AXIN1: variants seen among roughly 807,000 people sequenced by gnomAD.
AXIN1 encodes axin-1.
Under a neutral mutation model 76.4 loss-of-function variants are expected in AXIN1, and 30 were observed. The observed-to-expected ratio is 0.39, with a 90% CI of 0.29 to 0.53. AXIN1 has a LOEUF of 0.53. Ranked by LOEUF, AXIN1 falls within the 20% of genes least tolerant of loss-of-function variation. The pLI is 0.66. For missense variants in AXIN1, 1,140 were observed against 1,198.8 expected (o/e 0.95, Z 0.72); for synonymous variants, 545 against 501.4 (o/e 1.09, Z -1.16).
chr16:294,068 C>T (rs745928563), intron 7 of AXIN1, among the ~76,000 whole-genome samples: 7 of 152,036 alleles, frequency 4.6e-5, no homozygotes, highest in Non-Finnish European at 8.8e-5. Context: ...GGCTGGGGCC[C>T]GAGAATGGCT....
chr16:302,684 C>T (rs996993538), intron 5 of AXIN1, among the ~76,000 whole-genome samples: 2 of 152,132 alleles, frequency 1.3e-5, no homozygotes, highest in African/African-American at 2.4e-5. Flanking sequence ...GTGAGTGTAC[C>T]GAGGGGTCTC....
chr16:294,925 G>C (rs552117656), intron 7 of AXIN1, among the ~76,000 whole-genome samples: 3 of 151,074 alleles, frequency 2.0e-5, no homozygotes, highest in Non-Finnish European at 4.4e-5. Flanking sequence ...TTAGCCGGGC[G>C]TGGTGGCGGG....
intron 4 of AXIN1, among the ~76,000 whole-genome samples, chr16:305,220 C>A (rs552798439): frequency 3.8e-4 from 58 of 152,338 alleles, no homozygotes; most frequent in African/African-American, 1.3e-3. Flanking sequence ...ACAGTCACAG[C>A]ATTTTGGGAA....
At chr16:289,937 G>A (rs367931051) in intron 9 of AXIN1, 82 of 468,794 alleles carry the variant, frequency 1.7e-4, no homozygotes, top group African/African-American at 1.5e-3. Context: ...CCTATCTCAG[G>A]AAGACCTACG....
rs2141487629 is a variant in AXIN1, at chr16:293,737, A to G, written c.1956-19T>C. On this transcript the variant is annotated intron_variant, in intron 7 of 10. Transcript: ENST00000262320. The surrounding 1 kb of genome is among the most constrained non-coding windows in gnomAD (Gnocchi z 4.6). ...CGAAGACCTTGGGGAACAAGAGAAC[A>G]AGTTGTGACTGTGGCCGACACCCTG... 6.2e-7 allele frequency: 1 copy of G among 1,611,108 alleles called. No homozygotes were observed.
intron 2 of AXIN1, among the ~76,000 whole-genome samples, chr16:317,812 T>C (rs2053337742): frequency 6.6e-6 from 1 of 152,246 alleles, no homozygotes; most frequent in South Asian, 2.1e-4. Context: ...ATATTATCAC[T>C]GTAACAACCA....
intron 2 of AXIN1, among the ~76,000 whole-genome samples, chr16:320,741 A>ATTTTTTTTTT (rs1303646861): frequency 6.6e-4 from 61 of 92,040 alleles, no homozygotes; most frequent in African/African-American, 2.8e-3. Context: ...ATATATATAT[A>ATTTTTTTTTT]TATTTTTTTT....
Position 338,875 on chromosome 16 carries a change from A to C in AXIN1, c.878+7273T>G, listed in dbSNP as rs542855660. Among the ~76,000 whole-genome samples, 21 of 151,696 alleles carry C rather than the reference A, an allele frequency of 1.4e-4. No homozygotes were observed. The South Asian group carries it at 3.1e-3, about 23-fold the overall frequency. On this transcript the variant is annotated intron_variant, in intron 2 of 10. Coordinates refer to ENST00000262320, the MANE Select transcript of AXIN1 (RefSeq NM_003502.4). ...GAGGCAGAGGTTGCAGTGAGCTGAGATCGCGCCATTGCACTCCAGCCTGGG... is the reference window on the plus strand; with the variant it reads ...GAGGCAGAGGTTGCAGTGAGCTGAGCTCGCGCCATTGCACTCCAGCCTGGG...
rs79994795 is a variant in AXIN1 at position 317,391 on chromosome 16, G to A, written c.879-2708C>T. 5.4e-3 allele frequency among the ~76,000 whole-genome samples: 815 copies of A among 152,280 alleles called. 5 individuals are homozygous for A. The highest frequency in any genetic ancestry group is 0.019 in the African/African-American group (784 of 41,550). On this transcript the variant is annotated intron_variant, in intron 2 of 10. Coordinates refer to ENST00000262320, the MANE Select transcript of AXIN1 (RefSeq NM_003502.4). ...TTTCATACGAACAGTGCTGGTGACC[G>A]TGCTCAGCTGCTCGGGAGGCAGGTG...
chr16:332,167 T>C (rs1465644097), intron 2 of AXIN1, among the ~76,000 whole-genome samples: 2 of 152,138 alleles, frequency 1.3e-5, no homozygotes, highest in Non-Finnish European at 2.9e-5. Context: ...CTCCTGCAGA[T>C]GGTGGTGGAC....
At chr16:342,061 C>T (rs1463014718) in intron 2 of AXIN1, among the ~76,000 whole-genome samples, 2 of 152,196 alleles carry the variant, frequency 1.3e-5, no homozygotes, top group Non-Finnish European at 2.9e-5. Flanking sequence ...AAGCTGGCTG[C>T]GGGAGCCAGC....
In AXIN1 at chr16:344,018, A is replaced by AG. The variant is rs1418832748; in HGVS notation, c.878+2129_878+2130insC. Among the ~76,000 whole-genome samples the AG allele has an allele frequency of 4.9e-4, 74 of 151,476 alleles. 1 individual carries two copies. The South Asian group carries it at 6.7e-3, about 14-fold the overall frequency. On this transcript the variant is annotated intron_variant, in intron 2 of 10. Coordinates refer to ENST00000262320, the MANE Select transcript of AXIN1 (RefSeq NM_003502.4). ...GCGAGACTCCATTTCAAAAAAAAAA[A>AG]AAAGAAAGAAAGAAAGAAACTCTCA...
At chr16:326,372 AATATAT>A (rs67811547) in intron 2 of AXIN1, among the ~76,000 whole-genome samples, 16,967 of 85,354 alleles carry the variant, frequency 0.2, 1,661 homozygotes, top group South Asian at 0.32. Flanking sequence ...AAAAAAAAAA[AATATAT>A]ATATATATAT....
chr16:337,625 C>T (rs746627624), intron 2 of AXIN1, among the ~76,000 whole-genome samples: 12 of 152,298 alleles, frequency 7.9e-5, no homozygotes, highest in Non-Finnish European at 1.2e-4. Context: ...CCAGGACACC[C>T]GGACGCCCAG....
At chr16:289,722 C>T in intron 9 of AXIN1, 115 bp from the exon 10 acceptor site, 8 of 1,368,700 alleles carry the variant, frequency 5.8e-6, no homozygotes, top group Non-Finnish European at 8.0e-6. Flanking sequence ...GGGTGAGCAG[C>T]ACCCCATTCA....
intron 3 of AXIN1, among the ~76,000 whole-genome samples, chr16:310,472 C>G (rs2053148224): frequency 6.6e-6 from 1 of 152,178 alleles, no homozygotes; most frequent in Non-Finnish European, 1.5e-5. Flanking sequence ...TCTCGGCTCA[C>G]TGCAAGCTCC....
In AXIN1 at chr16:310,060, G is replaced by A. The variant is rs1449416588; in HGVS notation, c.1029C>T (p.Ile343=). The part of the protein sequence containing the change: ...LSLTDSSVDG[I]PPYRIRKQHR... Reference sequence around the variant, plus strand: ...GCTGCTTACGGATCCTGTATGGGGGGATCCCATCCCTGTCCAGGAGAAAGA... The same window carrying A: ...GCTGCTTACGGATCCTGTATGGGGGAATCCCATCCCTGTCCAGGAGAAAGA... Residue 343 remains isoleucine, a synonymous_variant, in exon 4 of 11, where the codon ATC becomes ATT. Coordinates refer to ENST00000262320, the MANE Select transcript of AXIN1 (RefSeq NM_003502.4). 1.9e-6 allele frequency: 3 copies of A among 1,610,988 alleles called. No individual in the cohort carries two copies. Among genetic ancestry groups the A allele is most frequent in the South Asian group, 1.1e-5 (1 of 90,578 alleles).
intron 3 of AXIN1, 110 bp downstream of exon 3, chr16:314,433 G>A: frequency 6.5e-7 from 1 of 1,529,990 alleles, no homozygotes; most frequent in Non-Finnish European, 8.9e-7. Flanking sequence ...GCAAGAAACA[G>A]GGTGTCTGGG....
At chr16:310,916 G>C (rs1024931335) in intron 3 of AXIN1, among the ~76,000 whole-genome samples, 5 of 152,262 alleles carry the variant, frequency 3.3e-5, no homozygotes, top group African/African-American at 1.2e-4. Context: ...AGGACAACCA[G>C]TGCCCCACGG....
Sources: allele counts gnomAD v4.1 joint callset (sites outside exome capture counted in the v4.1 genomes callset), GRCh38; gene constraint gnomAD v4.1.1; non-coding constraint Gnocchi (gnomAD v3.1); transcripts MANE v1.5; gene names NCBI Gene and HGNC (gene_info 2026-07-23, HGNC 2026-07-21).